Variants in CDKAL1 observed in about 807,000 individuals in gnomAD.
The protein encoded by CDKAL1 is CDKAL1 threonylcarbamoyladenosine tRNA methylthiotransferase.
A neutral mutation model predicts 68.2 loss-of-function variants in CDKAL1; 32 were observed. The observed-to-expected ratio is 0.47, with a 90% CI of 0.35 to 0.63. CDKAL1 has a LOEUF of 0.63. Among genes scored for constraint, CDKAL1 ranks in the 30% least tolerant of loss-of-function variants. CDKAL1 has a pLI of 0.00. For missense variants in CDKAL1, 606 were observed against 696.7 expected, an observed-to-expected ratio of 0.87 and a Z score of 1.47; for synonymous variants, 234 against 244.3, an observed-to-expected ratio of 0.96 and a Z score of 0.39.
At chr6:20,735,452 T>G (rs1309714300) in intron 5 of CDKAL1, among the ~76,000 whole-genome samples, 1 of 152,068 alleles carries the variant, frequency 6.6e-6, no homozygotes, top group Non-Finnish European at 1.5e-5. Flanking sequence ...CCATCAGATC[T>G]CATCAGAACT....
At chr6:21,214,696 C>CT (rs2151119535) in intron 15 of CDKAL1, among the ~76,000 whole-genome samples, 1 of 152,274 alleles carries the variant, frequency 6.6e-6, no homozygotes, top group South Asian at 2.1e-4. Flanking sequence ...TTACTCTACT[C>CT]TATTTTCTCC....
intron 12 of CDKAL1, among the ~76,000 whole-genome samples, chr6:21,098,534 CTTTTTTTTTTT>C (rs34764667): frequency 7.4e-5 from 6 of 80,974 alleles, no homozygotes; most frequent in African/African-American, 2.8e-4. Flanking sequence ...GGGTACACAG[CTTTTTTTTTTT>C]TTTTTTTTTT....
At chr6:21,188,704 G>C (rs1220758255) in intron 13 of CDKAL1, among the ~76,000 whole-genome samples, 1 of 152,176 alleles carries the variant, frequency 6.6e-6, no homozygotes, top group African/African-American at 2.4e-5. Context: ...AGCTTGCCCA[G>C]TGTGGGGAAA....
chr6:21,046,916 C>T (rs1223397060), intron 11 of CDKAL1, among the ~76,000 whole-genome samples: 1 of 152,214 alleles, frequency 6.6e-6, no homozygotes, highest in Non-Finnish European at 1.5e-5. Flanking sequence ...CACTTCATCT[C>T]CTCCTCGTAA....
intron 11 of CDKAL1, among the ~76,000 whole-genome samples, chr6:21,004,492 A>AGCTGTT (rs1240841562): frequency 6.6e-6 from 1 of 152,196 alleles, no homozygotes; most frequent in Non-Finnish European, 1.5e-5. Flanking sequence ...GGCCATGAGC[A>AGCTGTT]ATCATATGAC....
intron 9 of CDKAL1, among the ~76,000 whole-genome samples, chr6:20,899,535 A>G (rs1278650359): frequency 6.6e-6 from 1 of 151,968 alleles, no homozygotes; most frequent in Non-Finnish European, 1.5e-5. Flanking sequence ...AGCAATTTCT[A>G]TGTCATTAAT....
chr6:20,755,154 C>G (rs550413055), intron 6 of CDKAL1, among the ~76,000 whole-genome samples: 5 of 152,100 alleles, frequency 3.3e-5, no homozygotes, highest in Non-Finnish European at 7.4e-5. Context: ...TAATTGATAT[C>G]TTGGTCATTC....
chr6:20,949,471 T>C (rs1433886634), intron 9 of CDKAL1, among the ~76,000 whole-genome samples: 1 of 152,214 alleles, frequency 6.6e-6, no homozygotes, highest in Non-Finnish European at 1.5e-5. Flanking sequence ...TATTTATGTG[T>C]CTGTGTAGGA....
chr6:20,537,078 C>T (rs1003744070), intron 2 of CDKAL1, among the ~76,000 whole-genome samples: 17 of 152,118 alleles, frequency 1.1e-4, no homozygotes, highest in African/African-American at 2.2e-4. Context: ...CTCGCTCTGT[C>T]GCCCAGGCTG....
At chr6:20,778,584 A>G (rs1775279106) in intron 7 of CDKAL1, among the ~76,000 whole-genome samples, 1 of 152,216 alleles carries the variant, frequency 6.6e-6, no homozygotes, top group Non-Finnish European at 1.5e-5. Context: ...ATCTGCGTTC[A>G]GCAAGCTGGA....
chr6:20,589,534 G>T (rs916099959), intron 4 of CDKAL1, among the ~76,000 whole-genome samples: 1 of 152,148 alleles, frequency 6.6e-6, no homozygotes, highest in Non-Finnish European at 1.5e-5. Flanking sequence ...CCTTTGGTAG[G>T]TATTCTCAGG....
intron 9 of CDKAL1, among the ~76,000 whole-genome samples, chr6:20,853,275 G>T (rs1427533775): frequency 1.3e-5 from 2 of 152,060 alleles, no homozygotes; most frequent in African/African-American, 4.8e-5. Context: ...CCAGCTACTT[G>T]GGAGGCCGAG....
At chr6:21,031,490 A>G (rs1769289074) in intron 11 of CDKAL1, among the ~76,000 whole-genome samples, 1 of 151,912 alleles carries the variant, frequency 6.6e-6, no homozygotes, top group South Asian at 2.1e-4. Flanking sequence ...GTTTGGTTGA[A>G]TAACTGAGGC....
chr6:21,025,292 A>T (rs116504956), intron 11 of CDKAL1, among the ~76,000 whole-genome samples: 1,549 of 152,288 alleles, frequency 0.01, 27 homozygotes, highest in African/African-American at 0.036. Flanking sequence ...ATTCATAGTC[A>T]AACACACTGT....
chr6:20,781,306 T>G (rs748722349), intron 8 of CDKAL1, 41 bp downstream of exon 8: 32 of 1,535,614 alleles, frequency 2.1e-5, no homozygotes, highest in Middle Eastern at 3.5e-4. Flanking sequence ...ATTCAATATA[T>G]TTCATGAATT....
At chr6:20,609,385 T>C (rs1374293656) in intron 4 of CDKAL1, among the ~76,000 whole-genome samples, 1 of 106,264 alleles carries the variant, frequency 9.4e-6, no homozygotes, top group African/African-American at 3.5e-5. Flanking sequence ...TTCTTCTTCT[T>C]CTTCTTCTTC....
At chr6:21,174,614 T>C (rs919274293) in intron 13 of CDKAL1, among the ~76,000 whole-genome samples, 5 of 152,112 alleles carry the variant, frequency 3.3e-5, no homozygotes, top group African/African-American at 9.7e-5. Context: ...ATATACAGTA[T>C]TGTTGGGTGT....
At chr6:20,948,887 G>A (rs893016641) in intron 9 of CDKAL1, among the ~76,000 whole-genome samples, 1 of 152,068 alleles carries the variant, frequency 6.6e-6, no homozygotes, top group Non-Finnish European at 1.5e-5. Flanking sequence ...ATCCTTTTAT[G>A]GTATTTAGTT....
intron 5 of CDKAL1, among the ~76,000 whole-genome samples, chr6:20,703,076 A>G (rs986309371): frequency 6.6e-6 from 1 of 152,224 alleles, no homozygotes; most frequent in Non-Finnish European, 1.5e-5. Context: ...TGTTGCAAAT[A>G]TAGTGAAACT....
Sources: allele counts gnomAD v4.1 joint callset (sites outside exome capture counted in the v4.1 genomes callset), GRCh38; gene constraint gnomAD v4.1.1; transcripts MANE v1.5; gene names NCBI Gene and HGNC (gene_info 2026-07-23, HGNC 2026-07-21).